Variants in SMAD1 observed in about 807,000 individuals in gnomAD.
The protein encoded by SMAD1 is MAD, mothers against decapentaplegic homolog 1.
A neutral mutation model predicts 41.6 loss-of-function variants in SMAD1; 6 were observed. The ratio of observed to expected loss-of-function variants is 0.14; its 90% CI spans 0.08 to 0.28. SMAD1 has a LOEUF of 0.28. Ranked by LOEUF, SMAD1 falls within the 10% of genes least tolerant of loss-of-function variation. The pLI is 1.00. For missense variants in SMAD1, 379 were observed against 582.6 expected, an observed-to-expected ratio of 0.65 and a Z score of 3.60; for synonymous variants, 206 against 203.2, an observed-to-expected ratio of 1.01 and a Z score of -0.12.
At chr4:145,557,350 G>A (rs930943037) in intron 6 of SMAD1, among the ~76,000 whole-genome samples, 1 of 152,110 alleles carries the variant, frequency 6.6e-6, no homozygotes, top group African/African-American at 2.4e-5. Flanking sequence ...GTGTTGATAG[G>A]GGGACCTTCA....
rs776357140 is a variant in SMAD1 at position 145,515,007 on chromosome 4, A to T, written c.394A>T (p.Ser132Cys). 1.9e-6 allele frequency: 3 copies of T among 1,598,778 alleles called. No homozygotes were observed. The highest frequency in any genetic ancestry group is 2.6e-6 in the Non-Finnish European group (3 of 1,170,682). ...INPYHYKRVE[S>C]PVLPPVLVPR... ...TCCCTACCACTATAAGAGAGTAGAA[A>T]GCCCTGGTAAGTGAGTTATTTTATG... The change falls in exon 2 of 7, where the codon AGC becomes TGC. Residue 132 changes from serine (S) to cysteine (C), a missense_variant. Ser to Cys is a moderately radical substitution (Grantham distance 112, BLOSUM62 -1). This residue lies in a region of SMAD1 where 208 missense variants were observed against 210.5 expected (regional missense o/e 0.99). Coordinates refer to ENST00000302085, the MANE Select transcript of SMAD1 (RefSeq NM_005900.3).
chr4:145,535,497 G>A (rs772469357), intron 2 of SMAD1, among the ~76,000 whole-genome samples: 5 of 152,166 alleles, frequency 3.3e-5, no homozygotes, highest in Non-Finnish European at 5.9e-5. Context: ...ACATGAGGAA[G>A]ACCTCTGTGC....
chr4:145,486,915 C>CA (rs1728506557), intron 1 of SMAD1, among the ~76,000 whole-genome samples: 1 of 152,104 alleles, frequency 6.6e-6, no homozygotes, highest in Non-Finnish European at 1.5e-5. Flanking sequence ...CTACCACGCT[C>CA]ACGATATTTC....
intron 5 of SMAD1, among the ~76,000 whole-genome samples, chr4:145,549,970 A>G (rs987771604): frequency 7.2e-5 from 11 of 152,312 alleles, no homozygotes; most frequent in African/African-American, 2.6e-4. Flanking sequence ...TAAACTCTAA[A>G]GATGACTCTT....
At position 145,518,682 on chromosome 4, in the gene SMAD1, C is replaced by T. The variant is rs1296338310; in HGVS notation, c.400+3669C>T. On this transcript the variant is annotated intron_variant, in intron 2 of 6. Coordinates refer to ENST00000302085, the MANE Select transcript of SMAD1 (RefSeq NM_005900.3). ...TTTGAACTTTGTCACTATTTTACTT[C>T]TGATGAAGTATCTCAAAGAACAGTT... Among the ~76,000 whole-genome samples the T allele has an allele frequency of 1.6e-5, 2 of 125,850 alleles. 1 individual carries two copies. The highest frequency in any genetic ancestry group is 3.9e-5 in the Non-Finnish European group (2 of 51,132). 82.6% of individuals were successfully genotyped at this position (125,850 alleles called of 152,430 possible). A position where few individuals can be genotyped will look rare whatever the true frequency, so the allele number is the denominator to read the frequency against.
At chr4:145,490,083 A>T (rs1728694206) in intron 1 of SMAD1, among the ~76,000 whole-genome samples, 1 of 152,210 alleles carries the variant, frequency 6.6e-6, no homozygotes, top group African/African-American at 2.4e-5. Flanking sequence ...GGCTGAATAC[A>T]TTAAGAAGTG....
Position 145,557,773 on chromosome 4 carries a change from C to A in SMAD1, c.1255-18C>A. The A allele has an allele frequency of 6.3e-7, 1 of 1,593,516 alleles. No homozygotes were observed. Among genetic ancestry groups the A allele is most frequent in the Non-Finnish European group, 8.6e-7 (1 of 1,168,046 alleles). ...CTGAGTTAAACAAGTTAAATGACCT[C>A]CAGTATGTTTTTCCTAGGGCTGGGG... is the stretch of plus-strand genomic sequence containing the variant. On this transcript the variant is annotated intron_variant, in intron 6 of 6. Coordinates refer to ENST00000302085, the MANE Select transcript of SMAD1 (RefSeq NM_005900.3).
At position 145,558,287 on chromosome 4, in the gene SMAD1, T is replaced by C. The variant is rs1732959034; in HGVS notation, c.*353T>C. Reference sequence around the variant, plus strand: ...AGAGATTCTTTGGTGTTTGGCACTTTAAGGTCATCGTTGGGCAGAAGTTTA... The same window carrying C: ...AGAGATTCTTTGGTGTTTGGCACTTCAAGGTCATCGTTGGGCAGAAGTTTA... On this transcript the variant is annotated 3_prime_UTR_variant, in exon 7 of 7. Transcript: ENST00000302085. Among the ~76,000 whole-genome samples, 1 of 152,218 alleles carries C rather than the reference T, an allele frequency of 6.6e-6. No homozygotes were observed. Among genetic ancestry groups the C allele is most frequent in the African/African-American group, 2.4e-5 (1 of 41,462 alleles).
chr4:145,545,830 G>C (rs1008447636), intron 4 of SMAD1: 2 of 152,182 alleles, frequency 1.3e-5, no homozygotes, highest in African/African-American at 4.8e-5. Flanking sequence ...AGTGGTACAA[G>C]AGGTTTTACT....
At chr4:145,522,770 C>T (rs1730819469) in intron 2 of SMAD1, among the ~76,000 whole-genome samples, 1 of 151,918 alleles carries the variant, frequency 6.6e-6, no homozygotes, top group Admixed American at 6.6e-5. Context: ...ACCTCTGCCT[C>T]CCGGGTTCAA....
At chr4:145,541,727 C>T (rs1465977567) in intron 3 of SMAD1, among the ~76,000 whole-genome samples, 1 of 152,166 alleles carries the variant, frequency 6.6e-6, no homozygotes, top group African/African-American at 2.4e-5. Context: ...GTCTCGATTA[C>T]TTATCCAAAC....
intron 1 of SMAD1, among the ~76,000 whole-genome samples, chr4:145,493,591 G>A (rs1045392061): frequency 3.3e-5 from 5 of 152,092 alleles, no homozygotes; most frequent in Admixed American, 6.5e-5. Context: ...GCATTTATTC[G>A]CATTCATTTA....
rs1343951224 is a variant in SMAD1 at position 145,482,004 on chromosome 4, C to G, written c.-211C>G. The G allele has an allele frequency of 6.6e-6, 1 of 152,084 alleles. No individual in the cohort carries two copies. The highest frequency in any genetic ancestry group is 2.4e-5 in the African/African-American group (1 of 41,394). The allele number at this position is 152,084 out of a possible 1,614,324, so 9.4% of individuals were successfully genotyped here. A position where few individuals can be genotyped will look rare whatever the true frequency, so the allele number is the denominator to read the frequency against. On this transcript the variant is annotated 5_prime_UTR_variant, in exon 1 of 7. Transcript: ENST00000302085. The surrounding 1 kb of genome is among the most constrained non-coding windows in gnomAD (Gnocchi z 4.2). ...GCGAGACCCCGCTCGCCCGGCCACT[C>G]GTGCTCCCACACGGACGGGCGCGCC...
intron 1 of SMAD1, among the ~76,000 whole-genome samples, chr4:145,513,610 T>A (rs921200547): frequency 1.3e-5 from 2 of 152,198 alleles, no homozygotes; most frequent in Non-Finnish European, 2.9e-5. Flanking sequence ...AGAAATACCC[T>A]AAAATATTAC....
chr4:145,553,919 G>A lies in SMAD1; in HGVS notation c.1133G>A (p.Cys378Tyr), dbSNP rs1193701780. 5.6e-6 allele frequency: 9 copies of A among 1,614,002 alleles called. No individual in the cohort carries two copies. The highest frequency in any genetic ancestry group is 1.7e-5 in the Admixed American group (1 of 59,996). ...PTTVCKIPSG[C>Y]SLKIFNNQEF... The stretch of plus-strand genomic sequence containing the variant: ...ACTGTTTGCAAGATCCCTAGTGGGT[G>A]TAGTCTGAAAATTTTTAACAACCAA... The change falls in exon 6 of 7, where the codon TGT becomes TAT. Residue 378 changes from cysteine (C) to tyrosine (Y), a missense_variant. By Grantham distance (194) the Cys-to-Tyr change is radical. Coordinates refer to ENST00000302085, the MANE Select transcript of SMAD1 (RefSeq NM_005900.3).
At chr4:145,552,164 G>T (rs1332580127) in intron 5 of SMAD1, among the ~76,000 whole-genome samples, 1 of 152,020 alleles carries the variant, frequency 6.6e-6, no homozygotes, top group Non-Finnish European at 1.5e-5. Context: ...TGATTTTTCA[G>T]GATGAAAATT....
At chr4:145,508,942 T>G (rs1343371287) in intron 1 of SMAD1, among the ~76,000 whole-genome samples, 1 of 152,232 alleles carries the variant, frequency 6.6e-6, no homozygotes, top group Non-Finnish European at 1.5e-5. Flanking sequence ...ACTCACCTTC[T>G]AATTCTGTCA....
intron 1 of SMAD1, among the ~76,000 whole-genome samples, chr4:145,484,067 A>G (rs1728342128): frequency 6.6e-6 from 1 of 152,248 alleles, no homozygotes; most frequent in Non-Finnish European, 1.5e-5. Context: ...GTTAAAAACT[A>G]AATTTCACTT....
intron 1 of SMAD1, among the ~76,000 whole-genome samples, chr4:145,505,181 A>G (rs2126357325): frequency 6.6e-6 from 1 of 152,294 alleles, no homozygotes; most frequent in Admixed American, 6.5e-5. Flanking sequence ...TAGTAATGAG[A>G]ATTACATTAC....
Sources: gnomAD v4.1 joint callset for allele counts (sites outside exome capture counted in the v4.1 genomes callset) on GRCh38, gnomAD v4.1.1 for gene constraint, gnomAD v4.1.1 regional missense constraint, Gnocchi (gnomAD v3.1) non-coding constraint, MANE v1.5 for transcripts, NCBI Gene and HGNC (gene_info 2026-07-23, HGNC 2026-07-21) for gene names.